TSPOAP1: variants seen among roughly 807,000 people sequenced by gnomAD.
TSPOAP1 encodes the protein TSPO associated protein 1.
In TSPOAP1, 87 loss-of-function variants were observed where a neutral mutation model predicts 197.0. The ratio of observed to expected loss-of-function variants is 0.44; its 90% CI spans 0.37 to 0.53. The LOEUF is 0.53. Ranked by LOEUF, TSPOAP1 falls within the 20% of genes least tolerant of loss-of-function variation. TSPOAP1 has a pLI of 0.00. For synonymous variants in TSPOAP1, 913 were observed against 998.9 expected (o/e 0.91, Z 1.62); for missense variants, 2,174 against 2,411.3 (o/e 0.90, Z 2.06).
chr17:58,318,152 C>A, intron 14 of TSPOAP1, 128 bp downstream of exon 14: 1 of 1,191,016 alleles, frequency 8.4e-7, no homozygotes. Flanking sequence ...ACAGGCCTCC[C>A]ACCTCCCAAC....
chr17:58,319,235 C>A lies in TSPOAP1; in HGVS notation c.1554G>T (p.Leu518=). Residue 518 remains leucine (L), a synonymous_variant, in exon 13 of 32, where the codon CTG becomes CTT. Coordinates refer to ENST00000343736, the MANE Select transcript of TSPOAP1 (RefSeq NM_004758.4). ...GGCGGAAAGCCTGGAGTTCCTGTGC[C>A]AGGAGGCTGAACTGCTCGGTTTGGC... ...CRSQTEQFSL[L]AQELQAFRLH... The A allele has an allele frequency of 6.3e-7, 1 of 1,599,222 alleles. No individual in the cohort carries two copies. Among genetic ancestry groups the A allele is most frequent in the South Asian group, 1.1e-5 (1 of 88,354 alleles).
intron 31 of TSPOAP1, chr17:58,303,905 G>A (rs1384829402): frequency 6.3e-6 from 1 of 157,584 alleles, no homozygotes; most frequent in Admixed American, 6.3e-5. Flanking sequence ...CAGAGGACAA[G>A]GGTGGGAAGC....
In TSPOAP1 at chr17:58,309,246, G is replaced by A. The variant is rs148608257; in HGVS notation, c.4026C>T (p.Asp1342=). The A allele has an allele frequency of 1.2e-4, 192 of 1,613,726 alleles. No homozygotes were observed. Among genetic ancestry groups the A allele is most frequent in the African/African-American group, 1.1e-3 (85 of 74,968 alleles). ...IPEEEEEEEE[D]EEEEKSGAGC... ...CTGCCCCTGACTTCTCCTCCTCCTC[G>A]TCCTCCTCTTCCTCTTCCTCCTCCT... The change falls in exon 22 of 32, where the codon GAC becomes GAT. Residue 1342 remains aspartate, a synonymous_variant. Transcript: ENST00000343736. The surrounding 1 kb of genome is among the most constrained non-coding windows in gnomAD (Gnocchi z 5.0).
chr17:58,316,228 G>T, intron 15 of TSPOAP1, 96 bp from the exon 16 acceptor site: 2 of 1,220,390 alleles, frequency 1.6e-6, no homozygotes, highest in Non-Finnish European at 2.4e-6. Context: ...CCTTTACGGA[G>T]ACTTGGTTGT....
intron 14 of TSPOAP1, among the ~76,000 whole-genome samples, 154 bp downstream of exon 14, chr17:58,318,126 C>A (rs1190078710): frequency 2.0e-5 from 3 of 152,170 alleles, no homozygotes; most frequent in Admixed American, 2.0e-4. Flanking sequence ...GAGCGCCTCG[C>A]CCACAGGAGG....
chr17:58,314,863 C>T (rs537134461), intron 16 of TSPOAP1, among the ~76,000 whole-genome samples: 10 of 152,344 alleles, frequency 6.6e-5, no homozygotes, highest in African/African-American at 2.2e-4. Context: ...CTGAGAACAG[C>T]CTAGGTGGCC....
rs1567849263 is a variant in TSPOAP1, at chr17:58,322,516, A to G, written c.1318-104T>C. The G allele has an allele frequency of 1.9e-6, 3 of 1,542,140 alleles. No individual in the cohort carries two copies. Among genetic ancestry groups the G allele is most frequent in the Admixed American group, 3.7e-5 (2 of 54,664 alleles). The stretch of plus-strand genomic sequence containing the variant: ...AACACCATTTGCTCCAGATTCCTCT[A>G]TTACAAAGGAAACTGAGCCTGGAGC... On this transcript the variant is annotated intron_variant, in intron 9 of 31. Transcript: ENST00000343736. This position sits in a 1 kb window ranked among gnomAD's most constrained non-coding sequence, Gnocchi z 5.0.
chr17:58,319,716 G>A (rs946829143), intron 12 of TSPOAP1, among the ~76,000 whole-genome samples: 5 of 152,206 alleles, frequency 3.3e-5, no homozygotes, highest in Admixed American at 6.5e-5. Context: ...TGAGAGAGGC[G>A]GGCAGGAAAT....
chr17:58,327,201 T>C (rs1008535320), intron 1 of TSPOAP1, among the ~76,000 whole-genome samples: 2 of 150,442 alleles, frequency 1.3e-5, no homozygotes, highest in Non-Finnish European at 3.0e-5. Context: ...CCCCTCAATC[T>C]ACTTCCTCTG....
chr17:58,326,356 C>T lies in TSPOAP1; in HGVS notation c.507G>A (p.Leu169=). ...CCTCCAGGCGCTTGGCAATGACCGC[C>T]AGCTCGGCGTTCTTCCTCTTCAGCC... The part of the protein sequence containing the change: ...VRRLKRKNAE[L]AVIAKRLEER... The change falls in exon 3 of 32, where the codon CTG becomes CTA. Residue 169 remains leucine (L), a synonymous_variant. Coordinates refer to ENST00000343736, the MANE Select transcript of TSPOAP1 (RefSeq NM_004758.4). The surrounding 1 kb of genome is among the most constrained non-coding windows in gnomAD (Gnocchi z 4.7). 2 of 1,614,130 alleles carry T rather than the reference C, an allele frequency of 1.2e-6. No individual in the cohort carries two copies. The highest frequency in any genetic ancestry group is 3.3e-5 in the Admixed American group (2 of 60,022).
In TSPOAP1 at chr17:58,304,866, G is replaced by A. The variant is rs1007274661; in HGVS notation, c.5544+195C>T. 1.4e-6 allele frequency: 1 copy of A among 691,896 alleles called. No individual in the cohort carries two copies. Among genetic ancestry groups the A allele is most frequent in the Non-Finnish European group, 2.6e-6 (1 of 378,032 alleles). 42.9% of individuals were successfully genotyped at this position (691,896 alleles called of 1,614,324 possible). ...GGGTCACAGCTATCATCCCTCTGCA[G>A]AGAGGGGCACATACTGGGGGGCAGC... On this transcript the variant is annotated intron_variant, in intron 30 of 31. Transcript: ENST00000343736. The surrounding 1 kb of genome is among the most constrained non-coding windows in gnomAD (Gnocchi z 4.2).
At chr17:58,318,583 G>C in intron 13 of TSPOAP1, 131 bp from the exon 14 acceptor site, 1 of 885,144 alleles carries the variant, frequency 1.1e-6, no homozygotes, top group African/African-American at 1.7e-5. Context: ...GAAATATTTA[G>C]AGAGAAACTT....
Position 58,319,171 on chromosome 17 carries a change from C to T in TSPOAP1, c.1618G>A (p.Asp540Asn), listed in dbSNP as rs1433717900. Reference sequence around the variant, plus strand: ...GGGCAGTCTCCAAGGCTCCCACAGTCCAGGGCAGATGTGAGCAGATCCAAG... The same window carrying T: ...GGGCAGTCTCCAAGGCTCCCACAGTTCAGGGCAGATGTGAGCAGATCCAAG... The part of the protein sequence containing the change: ...GPLDLLTSAL[D>N]CGSLGDCPPP... The change falls in exon 13 of 32, where the codon GAC becomes AAC. Residue 540 changes from aspartate to asparagine, a missense_variant. Around this residue, in one of 5 missense-constraint regions of TSPOAP1, gnomAD observed 1,933 missense variants for 2,139.0 expected, o/e 0.90. Transcript: ENST00000343736. 3.2e-6 allele frequency: 5 copies of T among 1,569,444 alleles called. No homozygotes were observed. In the South Asian group the frequency reaches 4.7e-5, roughly 15 times the overall value.
chr17:58,310,670 G>C lies in TSPOAP1; in HGVS notation c.3541C>G (p.Pro1181Ala). Residue 1181 changes from proline to alanine, a missense_variant, in exon 20 of 32, where the codon CCC becomes GCC. Coordinates refer to ENST00000343736, the MANE Select transcript of TSPOAP1 (RefSeq NM_004758.4). ...TGCTTGGCCAGTGAGGGAGCTGCGGGGCCAGGGTCCTTCTCACCCAGGGTA... is the reference window on the plus strand; with the variant it reads ...TGCTTGGCCAGTGAGGGAGCTGCGGCGCCAGGGTCCTTCTCACCCAGGGTA... Reference protein sequence around the residue: ...TSTLGEKDPGPAAPSLAKQEA... With the variant: ...TSTLGEKDPGAAAPSLAKQEA... 1 of 1,612,868 alleles carries C rather than the reference G, an allele frequency of 6.2e-7. No individual in the cohort carries two copies. Among genetic ancestry groups the C allele is most frequent in the South Asian group, 1.1e-5 (1 of 91,036 alleles).
At position 58,323,486 on chromosome 17, in the gene TSPOAP1, C is replaced by T. The variant is rs1279364741; in HGVS notation, c.1002G>A (p.Glu334=). 3 of 1,614,114 alleles carry T rather than the reference C, an allele frequency of 1.9e-6. No homozygotes were observed. Among genetic ancestry groups the T allele is most frequent in the East Asian group, 2.2e-5 (1 of 44,904 alleles). The change falls in exon 6 of 32, where the codon GAG becomes GAA. Residue 334 remains glutamate (E), a synonymous_variant. Transcript: ENST00000343736. ...LPVILGEPEK[E]QRVQQLESEL... is the part of the protein sequence containing the mutation. Reference sequence around the variant, plus strand: ...GACTTACCAGCTGCTGCACCCTCTGCTCTTTCTCTGGCTCCCCTAGAATCA... The same window carrying T: ...GACTTACCAGCTGCTGCACCCTCTGTTCTTTCTCTGGCTCCCCTAGAATCA...
At chr17:58,311,761 GC>G (rs1567842789) in intron 17 of TSPOAP1, 39 bp from the exon 18 acceptor site, 1 of 1,526,378 alleles carries the variant, frequency 6.6e-7, no homozygotes, top group East Asian at 2.3e-5. Context: ...GATGCAGGAC[GC>G]TCCCCATCAG....
In TSPOAP1 at chr17:58,305,477, G is replaced by A. The variant is rs1478408003; in HGVS notation, c.5362-19C>T. ...GCTCTGCCTGTGGAAAACAAGAGGA[G>A]GGCATCAGGCCCAGGAAGGCTCTGC... On this transcript the variant is annotated intron_variant, in intron 28 of 31. Transcript: ENST00000343736. 2.5e-6 allele frequency: 4 copies of A among 1,613,732 alleles called. No homozygotes were observed. The South Asian group carries it at 3.3e-5, about 13-fold the overall frequency.
rs12943217 is a variant in TSPOAP1 at position 58,315,936 on chromosome 17, G to A, written c.2098+87C>T. 1,577 of 660,848 alleles carry A rather than the reference G, an allele frequency of 2.4e-3. 6 individuals are homozygous for A. Among genetic ancestry groups the A allele is most frequent in the African/African-American group, 0.02 (906 of 46,348 alleles). 40.9% of individuals were successfully genotyped at this position (660,848 alleles called of 1,614,324 possible). A position where few individuals can be genotyped will look rare whatever the true frequency, so the allele number is the denominator to read the frequency against. On this transcript the variant is annotated intron_variant, in intron 16 of 31. Coordinates refer to ENST00000343736, the MANE Select transcript of TSPOAP1 (RefSeq NM_004758.4). ...GGATGGATGGATGGATGGATGAATG[G>A]ATGGATGGATGGATGGATATCCGTC...
intron 12 of TSPOAP1, 117 bp from the exon 13 acceptor site, chr17:58,319,411 G>A: frequency 8.5e-7 from 1 of 1,183,138 alleles, no homozygotes; most frequent in Non-Finnish European, 1.2e-6. Context: ...CCCAGCCCCA[G>A]GCCTGGGCAC....
Sources: allele counts gnomAD v4.1 joint callset (sites outside exome capture counted in the v4.1 genomes callset), GRCh38; gene constraint gnomAD v4.1.1; regional missense constraint gnomAD v4.1.1; non-coding constraint Gnocchi (gnomAD v3.1); transcripts MANE v1.5; gene names NCBI Gene and HGNC (gene_info 2026-07-23, HGNC 2026-07-21).